SMTNL1: variants seen among roughly 807,000 people sequenced by gnomAD.
SMTNL1 encodes the protein smoothelin like 1, also known as smoothelin-like protein 1.
A neutral mutation model predicts 46.6 loss-of-function variants in SMTNL1; 41 were observed. The observed-to-expected ratio is 0.88, with a 90% CI of 0.69 to 1.14. SMTNL1 has a LOEUF of 1.14. Ranked by LOEUF, SMTNL1 falls within the 50% of genes most tolerant of loss-of-function variation. The probability of loss-of-function intolerance (pLI) is 0.00; values close to 1 mark genes in which losing one functional copy is unlikely to be tolerated. For synonymous variants in SMTNL1, 234 were observed against 234.2 expected (o/e 1.00, Z 0.01); for missense variants, 591 against 626.1 (o/e 0.94, Z 0.60).
chr11:57,547,840 G>A (rs534175178), intron 7 of SMTNL1, among the ~76,000 whole-genome samples: 23 of 152,340 alleles, frequency 1.5e-4, no homozygotes, highest in East Asian at 5.8e-4. Context: ...CCAGTCTGGC[G>A]TGGATTTTGG....
In SMTNL1 at chr11:57,550,033, C is replaced by T; in HGVS notation, c.1406C>T (p.Ser469Phe). 1 of 1,613,986 alleles carries T rather than the reference C, an allele frequency of 6.2e-7. No homozygotes were observed. Among genetic ancestry groups the T allele is most frequent in the Non-Finnish European group, 8.5e-7 (1 of 1,179,890 alleles). Reference protein sequence around the residue: ...DDMVRLAVPDSKCVYTYIQEL... With the variant: ...DDMVRLAVPDFKCVYTYIQEL... ...ATGGTGCGGTTGGCTGTGCCCGACT[C>T]CAAGTGCGTCTACACATACATCCAG... The change falls in exon 8 of 8, where the codon TCC becomes TTC. Residue 469 changes from serine (S) to phenylalanine (F), a missense_variant. Physicochemically the swap from Ser to Phe is radical, Grantham distance 155. Transcript: ENST00000527972.
At position 57,546,016 on chromosome 11, in the gene SMTNL1, C is replaced by T; in HGVS notation, c.1053C>T (p.Ala351=). The change falls in exon 5 of 8, where the codon GCC becomes GCT. Residue 351 remains alanine (A), a synonymous_variant. Transcript: ENST00000527972. ...GGCCCCGGGCACAGAACCGCAAAGC[C>T]ATCGTGGACAAGTTTGGCGGGTAGG... is the stretch of plus-strand genomic sequence containing the variant. The part of the protein sequence containing the change: ...PRGPRAQNRK[A]IVDKFGGAAS... The T allele has an allele frequency of 6.3e-7, 1 of 1,592,876 alleles. No individual in the cohort carries two copies. The highest frequency in any genetic ancestry group is 1.3e-5 in the African/African-American group (1 of 74,094).
At chr11:57,548,554 C>A (rs1183656772) in intron 7 of SMTNL1, among the ~76,000 whole-genome samples, 1 of 152,112 alleles carries the variant, frequency 6.6e-6, no homozygotes, top group African/African-American at 2.4e-5. Context: ...CCTGTAATCC[C>A]AGCTACTTGG....
chr11:57,541,647 C>T, intron 1 of SMTNL1: 1 of 1,288,588 alleles, frequency 7.8e-7, no homozygotes, highest in Non-Finnish European at 1.0e-6. Flanking sequence ...GGCAAAGCTC[C>T]AGAGACCAGT....
At position 57,546,178 on chromosome 11, in the gene SMTNL1, C is replaced by G. The variant is rs1178552143; in HGVS notation, c.1074-55C>G. 3 of 1,519,944 alleles carry G rather than the reference C, an allele frequency of 2.0e-6. No individual in the cohort carries two copies. In the African/African-American group the frequency reaches 4.1e-5, roughly 21 times the overall value. 94.2% of individuals were successfully genotyped at this position (1,519,944 alleles called of 1,614,324 possible). A position where few individuals can be genotyped will look rare whatever the true frequency, so the allele number is the denominator to read the frequency against. Reference sequence around the variant, plus strand: ...GGGGCTGGGGATCCTCCCAGTGGGGCCCTTCATGGCCTCCTGCCTCTCTGG... The same window carrying G: ...GGGGCTGGGGATCCTCCCAGTGGGGGCCTTCATGGCCTCCTGCCTCTCTGG... On this transcript the variant is annotated intron_variant, in intron 5 of 7. Coordinates refer to ENST00000527972, the MANE Select transcript of SMTNL1 (RefSeq NM_001105565.3).
chr11:57,539,314 G>A (rs550476386), intron 1 of SMTNL1, among the ~76,000 whole-genome samples: 1 of 152,332 alleles, frequency 6.6e-6, no homozygotes, highest in African/African-American at 2.4e-5. Context: ...CTATGATTGA[G>A]CCACTGCACT....
chr11:57,545,804 AG>A, intron 4 of SMTNL1, 76 bp from the exon 5 acceptor site: 6 of 736,162 alleles, frequency 8.2e-6, no homozygotes, highest in Non-Finnish European at 1.3e-5. Flanking sequence ...CCCACCCTCC[AG>A]CCCCACAGCC....
intron 1 of SMTNL1, among the ~76,000 whole-genome samples, chr11:57,542,034 G>A (rs530153392): frequency 1.4e-4 from 22 of 151,942 alleles, no homozygotes; most frequent in Admixed American, 7.9e-4. Context: ...TTGGGAGGCC[G>A]AGGCAGGTGG....
chr11:57,543,588 G>A, intron 2 of SMTNL1, 36 bp from the exon 3 acceptor site: 1 of 1,596,980 alleles, frequency 6.3e-7, no homozygotes. Flanking sequence ...CAGGTGCTGT[G>A]TGACCATGAG....
At chr11:57,544,973 A>T (rs965752848) in intron 4 of SMTNL1, among the ~76,000 whole-genome samples, 3 of 151,522 alleles carry the variant, frequency 2.0e-5, no homozygotes, top group African/African-American at 7.3e-5. Context: ...AGTAGCTGGG[A>T]TTATATGTGC....
rs769838214 is a variant in SMTNL1 at position 57,542,823 on chromosome 11, G to C, written c.181G>C (p.Gly61Arg). ...GCAGGAAAAGGCACCAGCCGAGGAC[G>C]GCATGTCAGCAGAACTCCAGGGGGA... ...GKQEKAPAED[G>R]MSAELQGEAN... Residue 61 changes from glycine (G) to arginine (R), a missense_variant, in exon 2 of 8, where the codon GGC becomes CGC. Gly to Arg is a moderately radical substitution (Grantham distance 125). Transcript: ENST00000527972. The C allele has an allele frequency of 1.9e-6, 3 of 1,613,566 alleles. No individual in the cohort carries two copies. Among genetic ancestry groups the C allele is most frequent in the Non-Finnish European group, 2.5e-6 (3 of 1,179,786 alleles).
Position 57,542,781 on chromosome 11 carries a change from C to G in SMTNL1, c.139C>G (p.Pro47Ala). 1 of 1,613,906 alleles carries G rather than the reference C, an allele frequency of 6.2e-7. No individual in the cohort carries two copies. Among genetic ancestry groups the G allele is most frequent in the Non-Finnish European group, 8.5e-7 (1 of 1,179,862 alleles). ...TAGKAINEGP[P>A]TESGKQEKAP... is the part of the protein sequence containing the mutation. ...TGGAAAGGCCATCAATGAGGGGCCTCCCACTGAGTCAGGAAAGCAGGAAAA... is the reference window on the plus strand; with the variant it reads ...TGGAAAGGCCATCAATGAGGGGCCTGCCACTGAGTCAGGAAAGCAGGAAAA... The change falls in exon 2 of 8, where the codon CCC becomes GCC. Residue 47 changes from proline to alanine, a missense_variant. Transcript: ENST00000527972.
intron 4 of SMTNL1, 84 bp downstream of exon 4, chr11:57,544,004 C>T (rs1944903143): frequency 1.5e-6 from 2 of 1,323,558 alleles, no homozygotes; most frequent in Non-Finnish European, 2.1e-6. Flanking sequence ...AGTCTGGGTT[C>T]CCCCAGCACC....
At position 57,550,186 on chromosome 11, in the gene SMTNL1, T is replaced by C; in HGVS notation, c.*74T>C. The C allele has an allele frequency of 6.7e-7, 1 of 1,484,102 alleles. No individual in the cohort carries two copies. The allele number at this position is 1,484,102 out of a possible 1,614,324, so 91.9% of individuals were successfully genotyped here. A position where few individuals can be genotyped will look rare whatever the true frequency, so the allele number is the denominator to read the frequency against. The stretch of plus-strand genomic sequence containing the variant: ...CAGCCACGGCCCGGGGGTTCCCTTC[T>C]GCTCCATGGAGGCACCAGAGCCAGG... On this transcript the variant is annotated 3_prime_UTR_variant, in exon 8 of 8. Coordinates refer to ENST00000527972, the MANE Select transcript of SMTNL1 (RefSeq NM_001105565.3).
intron 4 of SMTNL1, among the ~76,000 whole-genome samples, chr11:57,544,830 C>T (rs1328562108): frequency 1.4e-5 from 2 of 146,862 alleles, no homozygotes; most frequent in East Asian, 2.0e-4. Flanking sequence ...CCTCCTTGTC[C>T]TCCCCCCATT....
In SMTNL1 at chr11:57,546,365, C is replaced by T. The variant is rs1944923726; in HGVS notation, c.1188+18C>T. ...AATACGAGGTGGGCATGGGGCAGAG[C>T]TGCGTGGGTGGGGCAGGGGTCCAGG... is the stretch of plus-strand genomic sequence containing the variant. On this transcript the variant is annotated intron_variant, in intron 6 of 7. Transcript: ENST00000527972. 1 of 1,320,688 alleles carries T rather than the reference C, an allele frequency of 7.6e-7. No individual in the cohort carries two copies. The highest frequency in any genetic ancestry group is 2.2e-5 in the Admixed American group (1 of 44,798). The allele number at this position is 1,320,688 out of a possible 1,614,324, so 81.8% of individuals were successfully genotyped here.
intron 1 of SMTNL1, among the ~76,000 whole-genome samples, chr11:57,540,873 G>A (rs1443552263): frequency 6.6e-6 from 1 of 152,050 alleles, no homozygotes; most frequent in African/African-American, 2.4e-5. Flanking sequence ...ACCACACCCA[G>A]CTAATTTTTG....
At chr11:57,541,380 C>G in intron 1 of SMTNL1, 2 of 610,170 alleles carry the variant, frequency 3.3e-6, no homozygotes, top group Non-Finnish European at 5.0e-6. Context: ...GTAACTACAC[C>G]CCCCAAAAAG....
intron 4 of SMTNL1, among the ~76,000 whole-genome samples, chr11:57,544,838 ATT>A (rs766314304): frequency 7.3e-5 from 10 of 136,514 alleles, no homozygotes; most frequent in Non-Finnish European, 4.8e-5. Flanking sequence ...TCCTCCCCCC[ATT>A]TTTTTTTTTT....
Sources: gnomAD v4.1 joint callset for allele counts (sites outside exome capture counted in the v4.1 genomes callset) on GRCh38, gnomAD v4.1.1 for gene constraint, MANE v1.5 for transcripts, NCBI Gene and HGNC (gene_info 2026-07-23, HGNC 2026-07-21) for gene names.